The following CDH9 variants were observed in gnomAD, a reference collection of about 807,000 sequenced individuals.
CDH9 encodes cadherin 9.
A neutral mutation model predicts 70.9 loss-of-function variants in CDH9; 28 were observed. The observed-to-expected ratio is 0.40, with a 90% CI of 0.29 to 0.54. The LOEUF (loss-of-function observed/expected upper bound fraction) is 0.54. Among genes scored for constraint, CDH9 ranks in the 20% least tolerant of loss-of-function variants. The probability of loss-of-function intolerance (pLI) is 0.59; values close to 1 mark genes in which losing one functional copy is unlikely to be tolerated. For synonymous variants in CDH9, 409 were observed against 343.1 expected, an observed-to-expected ratio of 1.19 and a Z score of -2.12; for missense variants, 874 against 984.4, an observed-to-expected ratio of 0.89 and a Z score of 1.50.
In CDH9 at chr5:26,886,085, T is replaced by C; in HGVS notation, c.1513-2A>G. On this transcript the variant is annotated splice_acceptor_variant, in intron 9 of 11. Transcript: ENST00000231021. LOFTEE classifies it high-confidence loss of function. ...CATGACACTGACAGTCTGAATCAAC[T>C]GAAACCAAAATTAATTAATTAATTA... The C allele has an allele frequency of 1.3e-6, 2 of 1,584,784 alleles. No homozygotes were observed. The highest frequency in any genetic ancestry group is 1.7e-6 in the Non-Finnish European group (2 of 1,172,138).
chr5:26,967,669 T>C (rs1742151823), intron 2 of CDH9, among the ~76,000 whole-genome samples: 1 of 152,148 alleles, frequency 6.6e-6, no homozygotes, highest in Admixed American at 6.6e-5. Flanking sequence ...CATCCTATTT[T>C]AAGTTACAAA....
chr5:26,958,776 A>C (rs975046101), intron 2 of CDH9, among the ~76,000 whole-genome samples: 1 of 152,204 alleles, frequency 6.6e-6, no homozygotes, highest in Non-Finnish European at 1.5e-5. Flanking sequence ...GAAATGCTTT[A>C]TCTAATAAAA....
chr5:26,891,235 A>C (rs1016225602), intron 7 of CDH9, among the ~76,000 whole-genome samples: 2 of 152,228 alleles, frequency 1.3e-5, no homozygotes, highest in Non-Finnish European at 2.9e-5. Flanking sequence ...TCTCCCTAAG[A>C]TGTCTATACC....
intron 1 of CDH9, among the ~76,000 whole-genome samples, chr5:27,000,114 A>G (rs1273184109): frequency 6.6e-6 from 1 of 152,212 alleles, no homozygotes; most frequent in Non-Finnish European, 1.5e-5. Flanking sequence ...GACTGGAAGA[A>G]AATATTTGTA....
At position 26,950,937 on chromosome 5, in the gene CDH9, G is replaced by A. The variant is rs143590817; in HGVS notation, c.229-35013C>T. On this transcript the variant is annotated intron_variant, in intron 2 of 11. Transcript: ENST00000231021. ...GTAGAGATACTGACTAAGCAAGAGGGTAGACTGAGAAGTTAAACAGTTGTT... is the reference window on the plus strand; with the variant it reads ...GTAGAGATACTGACTAAGCAAGAGGATAGACTGAGAAGTTAAACAGTTGTT... Among the ~76,000 whole-genome samples, 9 of 152,236 alleles carry A rather than the reference G, an allele frequency of 5.9e-5. No homozygotes were observed. In the East Asian group the frequency reaches 1.7e-3, roughly 29 times the overall value.
intron 1 of CDH9, among the ~76,000 whole-genome samples, chr5:27,001,241 G>A (rs1365988742): frequency 6.6e-6 from 1 of 152,118 alleles, no homozygotes; most frequent in Non-Finnish European, 1.5e-5. Context: ...GAGAGTGGGA[G>A]GAAAACATGC....
chr5:27,009,026 A>G (rs1249263955), intron 1 of CDH9, among the ~76,000 whole-genome samples: 1 of 152,150 alleles, frequency 6.6e-6, no homozygotes, highest in East Asian at 1.9e-4. Context: ...CTCACTTAGA[A>G]GATAGAAATA....
chr5:26,926,154 C>T (rs886208586), intron 2 of CDH9, among the ~76,000 whole-genome samples: 1 of 152,076 alleles, frequency 6.6e-6, no homozygotes, highest in African/African-American at 2.4e-5. Flanking sequence ...GTCAAATTGT[C>T]CCTGTTTGCA....
chr5:26,959,826 T>G (rs1008041222), intron 2 of CDH9, among the ~76,000 whole-genome samples: 1 of 151,934 alleles, frequency 6.6e-6, no homozygotes, highest in Non-Finnish European at 1.5e-5. Context: ...GTAAATACAT[T>G]GTGGCAGAAA....
chr5:26,894,876 C>T (rs970241845), intron 7 of CDH9, among the ~76,000 whole-genome samples: 2 of 152,036 alleles, frequency 1.3e-5, no homozygotes, highest in African/African-American at 2.4e-5. Flanking sequence ...AGGATCCAAT[C>T]ATATAGGCAT....
intron 1 of CDH9, among the ~76,000 whole-genome samples, chr5:27,024,511 A>C (rs1743189979): frequency 6.6e-6 from 1 of 152,112 alleles, no homozygotes; most frequent in South Asian, 2.1e-4. Context: ...ATATGTAAGG[A>C]AAAGTGTTAC....
At chr5:26,904,180 T>TTTTTTTTTTAACATGTATTCAATTA (rs1740906348) in intron 5 of CDH9, among the ~76,000 whole-genome samples, 1 of 149,996 alleles carries the variant, frequency 6.7e-6, no homozygotes, top group Non-Finnish European at 1.5e-5. Flanking sequence ...TCATCACACT[T>TTTTTTTTTTAACATGTATTCAATTA]TTTTTTTTAA....
intron 2 of CDH9, among the ~76,000 whole-genome samples, chr5:26,924,543 AT>A (rs994290620): frequency 1.4e-5 from 2 of 148,132 alleles, no homozygotes; most frequent in Admixed American, 6.7e-5. Flanking sequence ...TATATATAAA[AT>A]AAGTATTTTA....
chr5:26,944,845 T>C (rs1222173684), intron 2 of CDH9, among the ~76,000 whole-genome samples: 6 of 152,154 alleles, frequency 3.9e-5, no homozygotes, highest in Admixed American at 1.3e-4. Flanking sequence ...GCTAATCTCA[T>C]GTAATCTTAC....
Position 26,917,909 on chromosome 5 carries a change from C to T in CDH9, c.229-1985G>A, listed in dbSNP as rs114757363. Among the ~76,000 whole-genome samples, 598 of 152,234 alleles carry T rather than the reference C, an allele frequency of 3.9e-3. 7 individuals are homozygous for T. The highest frequency in any genetic ancestry group is 0.014 in the African/African-American group (574 of 41,546). ...AACTGTAAACCTGAAGTCATAAAAA[C>T]CAGAGTTAGCATCATGCACATTTTG... is the stretch of plus-strand genomic sequence containing the variant. On this transcript the variant is annotated intron_variant, in intron 2 of 11. Coordinates refer to ENST00000231021, the MANE Select transcript of CDH9 (RefSeq NM_016279.4).
rs528560865 is a variant in CDH9 at position 26,906,867 on chromosome 5, G to A, written c.524-29C>T. The A allele has an allele frequency of 1.7e-5, 26 of 1,573,912 alleles. No homozygotes were observed. In the South Asian group the frequency reaches 2.6e-4, roughly 16 times the overall value. ...CATGAAACCCCCATCCCCAAACAGAGACATTTACATACTTCCAAATCTGAA... is the reference window on the plus strand; with the variant it reads ...CATGAAACCCCCATCCCCAAACAGAAACATTTACATACTTCCAAATCTGAA... On this transcript the variant is annotated intron_variant, in intron 3 of 11. Transcript: ENST00000231021.
intron 1 of CDH9, among the ~76,000 whole-genome samples, chr5:26,991,270 A>G (rs948260487): frequency 6.6e-6 from 1 of 152,076 alleles, no homozygotes; most frequent in Non-Finnish European, 1.5e-5. Flanking sequence ...CACTCCATAC[A>G]CTACAATTTT....
chr5:26,933,258 T>C (rs1741495714), intron 2 of CDH9, among the ~76,000 whole-genome samples: 1 of 151,106 alleles, frequency 6.6e-6, no homozygotes, highest in African/African-American at 2.4e-5. Context: ...CTACAAAAGA[T>C]GAGTAAATTA....
At chr5:26,899,240 A>C (rs1235127181) in intron 7 of CDH9, among the ~76,000 whole-genome samples, 1 of 152,152 alleles carries the variant, frequency 6.6e-6, no homozygotes, top group East Asian at 1.9e-4. Context: ...AATTAGTTCA[A>C]CCATTGTAGA....
Sources: gnomAD v4.1 joint callset for allele counts (sites outside exome capture counted in the v4.1 genomes callset) on GRCh38, gnomAD v4.1.1 for gene constraint, MANE v1.5 for transcripts, NCBI Gene and HGNC (gene_info 2026-07-23, HGNC 2026-07-21) for gene names.